The following SPAG1 variants were observed in gnomAD, a reference collection of about 807,000 sequenced individuals.
SPAG1 encodes the protein sperm associated antigen 1.
In SPAG1, 69 loss-of-function variants were observed where a neutral mutation model predicts 100.5. The ratio of observed to expected loss-of-function variants is 0.69; its 90% CI spans 0.57 to 0.84. SPAG1 has a LOEUF of 0.84. SPAG1 is among the 40% of genes least tolerant of loss of function. SPAG1 has a pLI of 0.00. For synonymous variants in SPAG1, 336 were observed against 411.6 expected, an observed-to-expected ratio of 0.82 and a Z score of 2.22; for missense variants, 955 against 1,133.1, an observed-to-expected ratio of 0.84 and a Z score of 2.26.
At chr8:100,170,760 A>G (rs555626663) in intron 3 of SPAG1, among the ~76,000 whole-genome samples, 4 of 152,058 alleles carry the variant, frequency 2.6e-5, no homozygotes, top group Non-Finnish European at 5.9e-5. Context: ...GGATCATGCC[A>G]TCTGTGAAAA....
At position 100,241,005 on chromosome 8, in the gene SPAG1, A is replaced by T. The variant is rs540744205; in HGVS notation, c.2764A>T (p.Arg922Trp). Residue 922 changes from arginine (R) to tryptophan (W), a missense_variant, in exon 19 of 19, where the codon AGG (arginine) becomes TGG (tryptophan). By Grantham distance (101) the Arg-to-Trp change is moderately radical. Coordinates refer to ENST00000388798, the MANE Select transcript of SPAG1 (RefSeq NM_003114.5). This position sits in a 1 kb window ranked among gnomAD's most constrained non-coding sequence, Gnocchi z 5.1. ...TTTAGAAGATATACAGGCCCTAAAA[A>T]GGCAGTATGAGCTTTAAATCAAGAT... The part of the protein sequence containing the change: ...FTLEDIQALK[R>W]QYEL The T allele has an allele frequency of 6.2e-7, 1 of 1,611,740 alleles. No individual in the cohort carries two copies. The highest frequency in any genetic ancestry group is 8.5e-7 in the Non-Finnish European group (1 of 1,179,264).
chr8:100,193,336 C>A (rs540768424), intron 9 of SPAG1, among the ~76,000 whole-genome samples: 1 of 152,180 alleles, frequency 6.6e-6, no homozygotes, highest in African/African-American at 2.4e-5. Context: ...TGGTGTGGGC[C>A]TGTAGTCCTA....
intron 12 of SPAG1, among the ~76,000 whole-genome samples, chr8:100,219,361 A>T (rs186690317): frequency 8.5e-5 from 13 of 152,346 alleles, no homozygotes; most frequent in African/African-American, 2.4e-4. Context: ...TCTGGTGCAG[A>T]TGTTAGTTAG....
intron 10 of SPAG1, among the ~76,000 whole-genome samples, chr8:100,202,704 C>T (rs1398448584): frequency 3.8e-5 from 4 of 106,654 alleles, no homozygotes; most frequent in African/African-American, 1.2e-4. Context: ...AGCGAGACTC[C>T]GTCTCAAAAA....
intron 12 of SPAG1, among the ~76,000 whole-genome samples, chr8:100,215,326 TAATAAGAAGCC>T (rs566501278): frequency 1.4e-4 from 22 of 152,106 alleles, no homozygotes; most frequent in Admixed American, 3.9e-4. Context: ...CACCATGAAG[TAATAAGAAGCC>T]CTTTGGCAAG....
chr8:100,192,995 T>C (rs1025596593), intron 9 of SPAG1, among the ~76,000 whole-genome samples: 3 of 152,198 alleles, frequency 2.0e-5, no homozygotes, highest in Non-Finnish European at 4.4e-5. Flanking sequence ...TGATGTAAGA[T>C]ATAAAATATA....
chr8:100,234,743 T>A (rs1263797393), intron 16 of SPAG1, among the ~76,000 whole-genome samples: 3 of 152,246 alleles, frequency 2.0e-5, no homozygotes, highest in African/African-American at 7.2e-5. Flanking sequence ...GTTTACAAAC[T>A]GTACAGCTGG....
Position 100,211,399 on chromosome 8 carries a change from C to T in SPAG1, c.1097-1691C>T, listed in dbSNP as rs537082243. Among the ~76,000 whole-genome samples, 62 of 152,330 alleles carry T rather than the reference C, an allele frequency of 4.1e-4. 3 individuals carry two copies. In the South Asian group the frequency reaches 0.013, roughly 32 times the overall value. On this transcript the variant is annotated intron_variant, in intron 10 of 18. Transcript: ENST00000388798. ...GGCTGGGCACAGTGGCTCATGCCTGCAATCCCAGGACTTTGGAAGGCCAAG... is the reference window on the plus strand; with the variant it reads ...GGCTGGGCACAGTGGCTCATGCCTGTAATCCCAGGACTTTGGAAGGCCAAG...
intron 7 of SPAG1, among the ~76,000 whole-genome samples, chr8:100,186,856 T>C (rs1397662614): frequency 6.6e-6 from 1 of 152,140 alleles, no homozygotes; most frequent in Non-Finnish European, 1.5e-5. Context: ...AATATCTTCT[T>C]CTTATAAGGA....
intron 1 of SPAG1, among the ~76,000 whole-genome samples, chr8:100,161,205 G>A (rs1386690903): frequency 6.6e-6 from 1 of 152,134 alleles, no homozygotes; most frequent in Non-Finnish European, 1.5e-5. Context: ...TTAGCTGGGA[G>A]TGGTGGCACG....
rs1253094905 is a variant in SPAG1 at position 100,220,424 on chromosome 8, G to GTTAACAGGTAA, written c.1686_1688+8dup. ...TGGACTCCAGCTAGCAAATGACAGT[G>GTTAACAGGTAA]TTAACAGGTAATTAATCTGAGGCAG... On this transcript the variant is annotated stop_gained and frameshift_variant, in exon 13 of 19. Coordinates refer to ENST00000388798, the MANE Select transcript of SPAG1 (RefSeq NM_003114.5). LOFTEE classifies it high-confidence loss of function. The GTTAACAGGTAA allele has an allele frequency of 6.2e-7, 1 of 1,608,514 alleles. No individual in the cohort carries two copies. The highest frequency in any genetic ancestry group is 8.5e-7 in the Non-Finnish European group (1 of 1,178,384).
At chr8:100,227,123 C>T (rs1427365767) in intron 14 of SPAG1, among the ~76,000 whole-genome samples, 1 of 152,180 alleles carries the variant, frequency 6.6e-6, no homozygotes, top group South Asian at 2.1e-4. Context: ...TGCACAATAG[C>T]GAAATTGCCC....
rs886754008 is a variant in SPAG1, at chr8:100,165,907, T to TA, written c.237dup (p.Pro80ThrfsTer11). ...CTGAAAGCAGAGCTTTGAGGAAAGA[T>TA]AAACCAGCAGCAACAGCAGCCAGTT... On this transcript the variant is annotated frameshift_variant, in exon 3 of 19. Coordinates refer to ENST00000388798, the MANE Select transcript of SPAG1 (RefSeq NM_003114.5). LOFTEE classifies it high-confidence loss of function. The TA allele has an allele frequency of 6.2e-6, 10 of 1,614,210 alleles. No individual in the cohort carries two copies. Among genetic ancestry groups the TA allele is most frequent in the African/African-American group, 1.3e-5 (1 of 75,060 alleles).
At chr8:100,160,626 CAA>C (rs11422854) in intron 1 of SPAG1, among the ~76,000 whole-genome samples, 28 of 98,868 alleles carry the variant, frequency 2.8e-4, no homozygotes, top group Non-Finnish European at 2.2e-4. Context: ...GACTCCAACT[CAA>C]AAAAAAAAAA....
Position 100,162,335 on chromosome 8 carries a change from A to C in SPAG1, c.55A>C (p.Lys19Gln). The change falls in exon 2 of 19, where the codon AAA becomes CAA. Residue 19 changes from lysine (K) to glutamine (Q), a missense_variant. Transcript: ENST00000388798. The stretch of plus-strand genomic sequence containing the variant: ...GGGCTTTGGAACAACAAAAACATTC[A>C]AAATTCCCATTGAACATCTAGATTT... ...LWGFGTTKTF[K>Q]IPIEHLDFKY... is the part of the protein sequence containing the mutation. The C allele has an allele frequency of 1.9e-6, 3 of 1,604,718 alleles. No individual in the cohort carries two copies. The highest frequency in any genetic ancestry group is 2.6e-6 in the Non-Finnish European group (3 of 1,176,310).
chr8:100,190,671 T>C (rs1186551652), intron 8 of SPAG1, among the ~76,000 whole-genome samples: 1 of 145,402 alleles, frequency 6.9e-6, no homozygotes, highest in East Asian at 2.1e-4. Context: ...TTCTTTTTTT[T>C]TTTTTTTTTT....
At chr8:100,223,378 T>C (rs953829294) in intron 13 of SPAG1, among the ~76,000 whole-genome samples, 5 of 152,204 alleles carry the variant, frequency 3.3e-5, no homozygotes, top group African/African-American at 7.2e-5. Context: ...TTTAAAGTAA[T>C]TGACTTTTAA....
At chr8:100,195,390 T>C (rs899022485) in intron 10 of SPAG1, among the ~76,000 whole-genome samples, 2 of 152,168 alleles carry the variant, frequency 1.3e-5, no homozygotes, top group Non-Finnish European at 1.5e-5. Context: ...TTTTAATTTT[T>C]TTAAGTGACA....
At chr8:100,198,352 A>C (rs1817122762) in intron 10 of SPAG1, among the ~76,000 whole-genome samples, 2 of 152,198 alleles carry the variant, frequency 1.3e-5, no homozygotes, top group African/African-American at 2.4e-5. Flanking sequence ...CATAAAAAAA[A>C]CTAAAAGACA....
Sources: gnomAD v4.1 joint callset for allele counts (sites outside exome capture counted in the v4.1 genomes callset) on GRCh38, gnomAD v4.1.1 for gene constraint, Gnocchi (gnomAD v3.1) non-coding constraint, MANE v1.5 for transcripts, NCBI Gene and HGNC (gene_info 2026-07-23, HGNC 2026-07-21) for gene names.